TENM2: variants seen among roughly 807,000 people sequenced by gnomAD.
TENM2 encodes the protein teneurin transmembrane protein 2.
Under a neutral mutation model 245.2 loss-of-function variants are expected in TENM2, and 52 were observed. The observed-to-expected ratio is 0.21, with a 90% confidence interval of 0.17 to 0.27. TENM2 has a LOEUF of 0.27. Among genes scored for constraint, TENM2 ranks in the 10% least tolerant of loss-of-function variants. The pLI, the probability that TENM2 is intolerant of heterozygous loss-of-function variation, is 1.00. For missense variants in TENM2, 3,046 were observed against 3,666.8 expected (o/e 0.83, Z 4.37); for synonymous variants, 1,363 against 1,438.9 (o/e 0.95, Z 1.19).
chr5:167,043,739 C>T, the TENM2 span, among the ~76,000 whole-genome samples: 12 of 152,124 alleles, frequency 7.9e-5, 1 homozygote, highest in African/African-American at 2.7e-4. Flanking sequence ...AAGCCGGGCG[C>T]GGTGGCTCAC....
chr5:167,170,904 G>GT, the TENM2 span, among the ~76,000 whole-genome samples: 1 of 144,096 alleles, frequency 6.9e-6, no homozygotes, highest in South Asian at 2.1e-4. Flanking sequence ...GGTTATCACC[G>GT]TCTCCTAAAA....
At chr5:167,107,370 T>C in the TENM2 span, among the ~76,000 whole-genome samples, 1 of 152,250 alleles carries the variant, frequency 6.6e-6, no homozygotes, top group East Asian at 1.9e-4. Context: ...GGAGTACATA[T>C]ATTTGGTTTT....
chr5:167,462,188 C>A (rs897005948), intron 2 of TENM2, among the ~76,000 whole-genome samples: 3 of 129,850 alleles, frequency 2.3e-5, no homozygotes, highest in Admixed American at 8.2e-5. Flanking sequence ...CCCACCCCCC[C>A]CCCCCATTGC....
intron 2 of TENM2, among the ~76,000 whole-genome samples, chr5:167,409,335 ATGTC>A (rs1450081244): frequency 6.6e-6 from 1 of 152,032 alleles, no homozygotes; most frequent in Non-Finnish European, 1.5e-5. Context: ...TGTGATGAGA[ATGTC>A]TGGGCTAAGC....
At chr5:167,221,931 A>G in the TENM2 span, among the ~76,000 whole-genome samples, 15 of 152,180 alleles carry the variant, frequency 9.9e-5, no homozygotes, top group Non-Finnish European at 1.9e-4. Context: ...CTTCTATTTG[A>G]AAGACTGATG....
chr5:168,204,541 T>A, exon 19 of TENM2: 1 of 1,614,040 alleles, frequency 6.2e-7, no homozygotes, highest in Non-Finnish European at 8.5e-7. Flanking sequence ...TTGGAATCGA[T>A]GGGAGCCTCT....
chr5:167,640,880 T>TATATATCC (rs1779544442), intron 2 of TENM2, among the ~76,000 whole-genome samples: 1 of 62,968 alleles, frequency 1.6e-5, no homozygotes, highest in African/African-American at 1.2e-4. Flanking sequence ...TATATATATA[T>TATATATCC]ATATATATAT....
chr5:168,201,120 C>T (rs1761899429), intron 17 of TENM2, among the ~76,000 whole-genome samples: 2 of 151,986 alleles, frequency 1.3e-5, no homozygotes, highest in Non-Finnish European at 2.9e-5. Flanking sequence ...AAGAAAGTTG[C>T]CCAAGATCAT....
chr5:167,373,006 C>T (rs1404966705), intron 1 of TENM2, among the ~76,000 whole-genome samples: 7 of 152,232 alleles, frequency 4.6e-5, no homozygotes, highest in Non-Finnish European at 1.0e-4. Flanking sequence ...TAAACAGCAG[C>T]ACTTAGCAGT....
At chr5:167,689,221 G>A (rs1247176379) in intron 2 of TENM2, among the ~76,000 whole-genome samples, 1 of 152,132 alleles carries the variant, frequency 6.6e-6, no homozygotes, top group Non-Finnish European at 1.5e-5. Context: ...AGGGAGAGTG[G>A]GAAGGAAAGA....
intron 12 of TENM2, among the ~76,000 whole-genome samples, chr5:168,134,611 C>T (rs1408378286): frequency 6.6e-6 from 1 of 152,064 alleles, no homozygotes; most frequent in Non-Finnish European, 1.5e-5. Flanking sequence ...CACTTGAACT[C>T]GGGAGGCAGA....
At chr5:167,876,774 A>G (rs1279245485) in intron 3 of TENM2, among the ~76,000 whole-genome samples, 1 of 152,156 alleles carries the variant, frequency 6.6e-6, no homozygotes, top group African/African-American at 2.4e-5. Flanking sequence ...TGACCTCACT[A>G]GAATTTGACA....
rs559267589 is a variant in TENM2 at position 167,488,806 on chromosome 5, C to A, written c.502+113333C>A. Among the ~76,000 whole-genome samples, 10 of 152,254 alleles carry A rather than the reference C, an allele frequency of 6.6e-5. No individual in the cohort carries two copies. The East Asian group carries it at 1.9e-3, about 29-fold the overall frequency. ...GTCCAGTTGGAAGTCTAATAAATAT[C>A]CCAACCTTGACATGTTCAAAATGGA... On this transcript the variant is annotated intron_variant, in intron 2 of 28. Coordinates refer to ENST00000518659, the Ensembl canonical transcript of TENM2.
rs138718499 is a variant in TENM2 at position 167,471,744 on chromosome 5, A to T, written c.502+96271A>T. Reference sequence around the variant, plus strand: ...GGTAGGTGTGTGGTGATAGACGCAGAAGTATGGTATCTACATCAGTGCAAA... The same window carrying T: ...GGTAGGTGTGTGGTGATAGACGCAGTAGTATGGTATCTACATCAGTGCAAA... On this transcript the variant is annotated intron_variant, in intron 2 of 28. Transcript: ENST00000518659. Among the ~76,000 whole-genome samples, 415 of 152,334 alleles carry T rather than the reference A, an allele frequency of 2.7e-3. 2 individuals are homozygous for T. The highest frequency in any genetic ancestry group is 9.5e-3 in the African/African-American group (395 of 41,586).
chr5:167,928,324 T>G (rs1320906101), intron 3 of TENM2, among the ~76,000 whole-genome samples: 1 of 152,192 alleles, frequency 6.6e-6, no homozygotes, highest in Non-Finnish European at 1.5e-5. Flanking sequence ...AATAGGACAT[T>G]GGATGACAAT....
chr5:167,850,832 T>TGCA (rs1770511785), intron 2 of TENM2, among the ~76,000 whole-genome samples: 1 of 152,172 alleles, frequency 6.6e-6, no homozygotes, highest in African/African-American at 2.4e-5. Context: ...CCAATTAGCT[T>TGCA]GCAACGAGTT....
At chr5:167,554,274 T>A (rs1057076002) in intron 2 of TENM2, among the ~76,000 whole-genome samples, 1 of 152,210 alleles carries the variant, frequency 6.6e-6, no homozygotes, top group Non-Finnish European at 1.5e-5. Context: ...GTGCAATAGC[T>A]AGCTGCATTA....
In TENM2 at chr5:168,195,166, T is replaced by C. The variant is rs758011495; in HGVS notation, c.2781-10T>C. ...TGTGGCTCAAAGACCTCTGTTTCTG[T>C]CTTTCTCAGCTTGGTTTCTCTCATC... On this transcript the variant is annotated splice_polypyrimidine_tract_variant and intron_variant, in intron 14 of 28. Coordinates refer to ENST00000518659, the Ensembl canonical transcript of TENM2. The C allele has an allele frequency of 6.3e-7, 1 of 1,585,478 alleles. No individual in the cohort carries two copies.
At chr5:167,177,716 A>T in the TENM2 span, among the ~76,000 whole-genome samples, 1 of 152,202 alleles carries the variant, frequency 6.6e-6, no homozygotes, top group African/African-American at 2.4e-5. Flanking sequence ...AGCAGTTGAC[A>T]TGTGGCCTGA....
Sources: allele counts gnomAD v4.1 joint callset (sites outside exome capture counted in the v4.1 genomes callset), GRCh38; gene constraint gnomAD v4.1.1; transcripts MANE v1.5; gene names NCBI Gene and HGNC (gene_info 2026-07-23, HGNC 2026-07-21).